The following CLSTN2 variants were observed in gnomAD, a reference collection of about 807,000 sequenced individuals.
The protein encoded by CLSTN2 is calsyntenin 2, also known as calsyntenin-2.
In CLSTN2, 48 loss-of-function variants were observed where a neutral mutation model predicts 101.2. That is an observed-to-expected ratio of 0.47 (90% CI 0.38 to 0.60). CLSTN2 has a LOEUF of 0.60. Ranked by LOEUF, CLSTN2 falls within the 20% of genes least tolerant of loss-of-function variation. The pLI is 0.00. For missense variants in CLSTN2, 1,160 were observed against 1,238.2 expected, an observed-to-expected ratio of 0.94 and a Z score of 0.95; for synonymous variants, 481 against 463.6, an observed-to-expected ratio of 1.04 and a Z score of -0.48.
intron 1 of CLSTN2, among the ~76,000 whole-genome samples, chr3:140,050,514 G>T (rs1489067510): frequency 1.3e-5 from 2 of 152,240 alleles, no homozygotes; most frequent in Admixed American, 1.3e-4. Flanking sequence ...ACCAGGAGCA[G>T]TTAGTGGGCC....
chr3:140,515,468 A>G (rs1934899660), intron 8 of CLSTN2, among the ~76,000 whole-genome samples: 2 of 151,864 alleles, frequency 1.3e-5, no homozygotes, highest in African/African-American at 4.8e-5. Context: ...TAGATTGTCC[A>G]TTTGTGCTCT....
intron 2 of CLSTN2, among the ~76,000 whole-genome samples, chr3:140,271,190 T>C (rs1474409548): frequency 1.3e-5 from 2 of 152,006 alleles, no homozygotes; most frequent in African/African-American, 2.4e-5. Context: ...TCTCAAAATC[T>C]CTTGGAGGTC....
intron 2 of CLSTN2, among the ~76,000 whole-genome samples, chr3:140,284,462 T>C (rs114290601): frequency 6.6e-6 from 1 of 152,124 alleles, no homozygotes. Flanking sequence ...TAAGAGTGAC[T>C]TTTTTTCCTA....
chr3:140,366,651 C>T (rs2087793917), intron 2 of CLSTN2, among the ~76,000 whole-genome samples: 1 of 152,206 alleles, frequency 6.6e-6, no homozygotes, highest in Admixed American at 6.5e-5. Flanking sequence ...CAATTCCCTC[C>T]ACTCTCTGCA....
chr3:140,037,212 G>A (rs1318464507), intron 1 of CLSTN2, among the ~76,000 whole-genome samples: 1 of 152,056 alleles, frequency 6.6e-6, no homozygotes, highest in Non-Finnish European at 1.5e-5. Context: ...CACAGAACAT[G>A]GTAACAACCC....
intron 1 of CLSTN2, among the ~76,000 whole-genome samples, chr3:139,995,074 G>A (rs1936179873): frequency 6.6e-6 from 1 of 152,132 alleles, no homozygotes; most frequent in African/African-American, 2.4e-5. Flanking sequence ...GAGTAGCTCT[G>A]GGGACAATTG....
intron 1 of CLSTN2, among the ~76,000 whole-genome samples, chr3:140,059,275 C>G (rs2194939): frequency 2.0e-5 from 3 of 152,226 alleles, no homozygotes; most frequent in Admixed American, 2.0e-4. Flanking sequence ...AGTGTTAGTT[C>G]TGATTCCCAG....
intron 1 of CLSTN2, among the ~76,000 whole-genome samples, chr3:140,001,279 C>A (rs2006831116): frequency 6.6e-6 from 1 of 151,968 alleles, no homozygotes; most frequent in East Asian, 1.9e-4. Context: ...ATCCTTTTTT[C>A]TCTCTCCACT....
chr3:140,083,726 C>G lies in CLSTN2; in HGVS notation c.110-92225C>G, dbSNP rs574469663. Among the ~76,000 whole-genome samples, 298 of 152,330 alleles carry G rather than the reference C, an allele frequency of 2.0e-3. 2 individuals are homozygous for G. Among genetic ancestry groups the G allele is most frequent in the African/African-American group, 6.7e-3 (279 of 41,578 alleles). On this transcript the variant is annotated intron_variant, in intron 1 of 16. Coordinates refer to ENST00000458420, the MANE Select transcript of CLSTN2 (RefSeq NM_022131.3). ...TTCCATCCACTGGCTTTTATCCCACCTGTGCTGGGGAGTCTTCCCTGAGCA... is the reference window on the plus strand; with the variant it reads ...TTCCATCCACTGGCTTTTATCCCACGTGTGCTGGGGAGTCTTCCCTGAGCA...
intron 1 of CLSTN2, among the ~76,000 whole-genome samples, chr3:140,163,993 T>C (rs895718342): frequency 6.6e-6 from 1 of 152,092 alleles, no homozygotes; most frequent in African/African-American, 2.4e-5. Context: ...TAAAATGCAA[T>C]GAAGTGTGAG....
At chr3:140,165,282 A>G (rs556549080) in intron 1 of CLSTN2, among the ~76,000 whole-genome samples, 5 of 152,250 alleles carry the variant, frequency 3.3e-5, no homozygotes, top group East Asian at 3.9e-4. Context: ...AGGAATACCT[A>G]CTCATTGGAA....
intron 2 of CLSTN2, among the ~76,000 whole-genome samples, chr3:140,251,841 A>T (rs2107876149): frequency 6.6e-6 from 1 of 152,238 alleles, no homozygotes; most frequent in Admixed American, 6.5e-5. Flanking sequence ...AGGAAGTGGA[A>T]TCTGTGTGGA....
At chr3:140,479,556 A>G (rs1934067209) in intron 8 of CLSTN2, among the ~76,000 whole-genome samples, 1 of 152,248 alleles carries the variant, frequency 6.6e-6, no homozygotes, top group South Asian at 2.1e-4. Context: ...AGAAGAAAAT[A>G]ACTTTAAAAC....
chr3:140,049,704 A>T (rs1409842186), intron 1 of CLSTN2, among the ~76,000 whole-genome samples: 1 of 152,156 alleles, frequency 6.6e-6, no homozygotes, highest in African/African-American at 2.4e-5. Flanking sequence ...CTGAACATGA[A>T]CTTAACAGGG....
At chr3:140,131,281 T>C (rs1051020684) in intron 1 of CLSTN2, among the ~76,000 whole-genome samples, 8 of 143,520 alleles carry the variant, frequency 5.6e-5, no homozygotes, top group African/African-American at 1.7e-4. Context: ...TTGAAGAAGG[T>C]TGCAAAGAAT....
intron 5 of CLSTN2, among the ~76,000 whole-genome samples, chr3:140,425,459 G>T (rs1307255356): frequency 6.6e-6 from 1 of 152,184 alleles, no homozygotes; most frequent in Non-Finnish European, 1.5e-5. Flanking sequence ...CTCTTCCGCT[G>T]CCTGCCTTTC....
Position 140,044,989 on chromosome 3 carries a change from A to C in CLSTN2, c.109+109506A>C, listed in dbSNP as rs140408399. 5.2e-3 allele frequency among the ~76,000 whole-genome samples: 784 copies of C among 152,162 alleles called. 2 individuals carry two copies. Among genetic ancestry groups the C allele is most frequent in the Middle Eastern group, 0.041 (12 of 294 alleles). On this transcript the variant is annotated intron_variant, in intron 1 of 16. Transcript: ENST00000458420. ...TCATCAGGGATATTGGTCTAAAATT[A>C]TCTTTTTTGGTTGTGTCTCTGCCAG...
At chr3:140,428,481 G>A (rs2088596218) in intron 5 of CLSTN2, among the ~76,000 whole-genome samples, 1 of 152,046 alleles carries the variant, frequency 6.6e-6, no homozygotes. Flanking sequence ...TTTTTCCCCA[G>A]ATGTGTTGCT....
At chr3:140,384,505 G>A (rs1471523395) in intron 2 of CLSTN2, among the ~76,000 whole-genome samples, 1 of 152,168 alleles carries the variant, frequency 6.6e-6, no homozygotes, top group African/African-American at 2.4e-5. Context: ...CATATCGAAG[G>A]TGCTTGTTAT....
Sources: allele counts gnomAD v4.1 joint callset (sites outside exome capture counted in the v4.1 genomes callset), GRCh38; gene constraint gnomAD v4.1.1; transcripts MANE v1.5; gene names NCBI Gene and HGNC (gene_info 2026-07-23, HGNC 2026-07-21).